Variants in NSD1 observed in about 807,000 individuals in gnomAD.
NSD1 encodes histone-lysine N-methyltransferase, H3 lysine-36 specific.
Under a neutral mutation model 242.7 loss-of-function variants are expected in NSD1, and 26 were observed. The ratio of observed to expected loss-of-function variants is 0.11; its 90% CI spans 0.08 to 0.15. NSD1 has a LOEUF of 0.15. Ranked by LOEUF, NSD1 falls within the 10% of genes least tolerant of loss-of-function variation. NSD1 has a pLI of 1.00. For synonymous variants in NSD1, 1,106 were observed against 1,178.1 expected (o/e 0.94, Z 1.25); for missense variants, 2,495 against 3,272.8 (o/e 0.76, Z 5.80).
Position 177,297,436 on chromosome 5 carries a change from G to A in NSD1, c.*1977G>A. The stretch of plus-strand genomic sequence containing the variant: ...TCATTATATTAAGTATTTATCATGT[G>A]TGAGAATAATAAATATATAACTGCA... On this transcript the variant is annotated 3_prime_UTR_variant, in exon 23 of 23. Transcript: ENST00000439151. The A allele has an allele frequency of 4.3e-6, 1 of 230,020 alleles. No individual in the cohort carries two copies. Among genetic ancestry groups the A allele is most frequent in the Non-Finnish European group, 8.6e-6 (1 of 116,202 alleles). The allele number at this position is 230,020 out of a possible 1,614,324, so 14.2% of individuals were successfully genotyped here. A position where few individuals can be genotyped will look rare whatever the true frequency, so the allele number is the denominator to read the frequency against.
intron 4 of NSD1, among the ~76,000 whole-genome samples, chr5:177,207,180 C>A (rs1460546075): frequency 6.6e-6 from 1 of 152,068 alleles, no homozygotes; most frequent in Non-Finnish European, 1.5e-5. Context: ...AAGGTGACCC[C>A]CCGCCATCCC....
In NSD1 at chr5:177,292,385, T is replaced by TAA. The variant is rs1301983919; in HGVS notation, c.6463+228_6463+229insAA. The stretch of plus-strand genomic sequence containing the variant: ...CTTGCTGTGTTTCAGGTCCTTTACT[T>TAA]ACAGTCATGTTTATTTCATTCCCCC... On this transcript the variant is annotated intron_variant, in intron 22 of 22. Transcript: ENST00000439151. Among the ~76,000 whole-genome samples the TAA allele has an allele frequency of 5.9e-5, 9 of 152,342 alleles. No individual in the cohort carries two copies. In the East Asian group the frequency reaches 1.2e-3, roughly 20 times the overall value.
chr5:177,190,735 TCTCGG>T (rs774990371), intron 2 of NSD1, among the ~76,000 whole-genome samples: 212 of 151,582 alleles, frequency 1.4e-3, no homozygotes, highest in Non-Finnish European at 2.7e-3. Flanking sequence ...AGTGGCGCCA[TCTCGG>T]CTCACTGCAA....
At chr5:177,197,732 C>T (rs1292759223) in intron 3 of NSD1, among the ~76,000 whole-genome samples, 2 of 152,204 alleles carry the variant, frequency 1.3e-5, no homozygotes, top group Non-Finnish European at 2.9e-5. Context: ...CTGAAACCAT[C>T]GAAAGTGAAG....
intron 3 of NSD1, 145 bp downstream of exon 3, chr5:177,192,164 A>G (rs1761741116): frequency 1.3e-6 from 1 of 746,884 alleles, no homozygotes; most frequent in Non-Finnish European, 2.1e-6. Context: ...GGGGCTTTTA[A>G]AAGTTCGTTT....
At chr5:177,236,425 G>A (rs984454911) in intron 6 of NSD1, among the ~76,000 whole-genome samples, 1 of 152,110 alleles carries the variant, frequency 6.6e-6, no homozygotes, top group Non-Finnish European at 1.5e-5. Context: ...TATAAGATCT[G>A]TTTATCTGAC....
At chr5:177,230,852 A>C (rs937517890) in intron 5 of NSD1, among the ~76,000 whole-genome samples, 2 of 151,778 alleles carry the variant, frequency 1.3e-5, no homozygotes, top group Admixed American at 6.6e-5. Context: ...GAAATGCAAC[A>C]AGACTTAGCC....
chr5:177,289,956 T>TA (rs1195845985), intron 21 of NSD1, among the ~76,000 whole-genome samples: 4 of 151,260 alleles, frequency 2.6e-5, no homozygotes, highest in Non-Finnish European at 5.9e-5. Context: ...GCCTCCTGAG[T>TA]AGCTGGAACT....
chr5:177,143,788 T>C (rs1364684215), intron 2 of NSD1, among the ~76,000 whole-genome samples: 1 of 149,308 alleles, frequency 6.7e-6, no homozygotes, highest in African/African-American at 2.5e-5. Context: ...GATAACTTTT[T>C]TTTTTTTTTT....
chr5:177,164,302 G>A (rs981602531), intron 2 of NSD1, among the ~76,000 whole-genome samples: 8 of 151,740 alleles, frequency 5.3e-5, no homozygotes, highest in African/African-American at 1.9e-4. Flanking sequence ...GATTACAGGC[G>A]CCTGCCACCA....
chr5:177,154,512 A>G (rs1481731027), intron 2 of NSD1, among the ~76,000 whole-genome samples: 1 of 152,182 alleles, frequency 6.6e-6, no homozygotes, highest in Non-Finnish European at 1.5e-5. Flanking sequence ...TGAAAAGTTA[A>G]CCAGTGAAGT....
chr5:177,169,978 A>C (rs1334262103), intron 2 of NSD1, among the ~76,000 whole-genome samples: 1 of 152,024 alleles, frequency 6.6e-6, no homozygotes, highest in Non-Finnish European at 1.5e-5. Flanking sequence ...TGTGGTGTAT[A>C]ATTTTTTTTG....
chr5:177,258,683 A>G (rs187466445), intron 13 of NSD1, among the ~76,000 whole-genome samples: 179 of 151,940 alleles, frequency 1.2e-3, no homozygotes, highest in African/African-American at 4.2e-3. Flanking sequence ...TTACAGGCAC[A>G]TGCCACCATG....
intron 2 of NSD1, among the ~76,000 whole-genome samples, chr5:177,186,876 C>T (rs13157667): frequency 0.14 from 20,551 of 151,812 alleles, 1,915 homozygotes; most frequent in East Asian, 0.51. Context: ...CTGAAATCAA[C>T]GCGCCACTGC....
At position 177,159,659 on chromosome 5, in the gene NSD1, G is replaced by A. The variant is rs138760656; in HGVS notation, c.927+23629G>A. Among the ~76,000 whole-genome samples the A allele has an allele frequency of 8.4e-3, 1,257 of 149,644 alleles. 18 individuals carry two copies. Among genetic ancestry groups the A allele is most frequent in the African/African-American group, 0.03 (1,197 of 40,570 alleles). ...TGCCCAGGCTGGAGTGCAATGGTGCGATCTTGGCTAACCGCAACCTCCGCC... is the reference window on the plus strand; with the variant it reads ...TGCCCAGGCTGGAGTGCAATGGTGCAATCTTGGCTAACCGCAACCTCCGCC... On this transcript the variant is annotated intron_variant, in intron 2 of 22. Coordinates refer to ENST00000439151, the MANE Select transcript of NSD1 (RefSeq NM_022455.5).
chr5:177,201,801 C>T (rs1762526599), intron 3 of NSD1, among the ~76,000 whole-genome samples: 2 of 151,424 alleles, frequency 1.3e-5, no homozygotes, highest in South Asian at 2.1e-4. Flanking sequence ...TCAGGTGATC[C>T]GCCTGCCTCA....
chr5:177,136,738 T>G lies in NSD1; in HGVS notation c.927+708T>G. ...CCTCCCGAGTAGCTGGGATTACTGG[T>G]ACCCATCACCACGCCCGGCTAATTT... On this transcript the variant is annotated intron_variant, in intron 2 of 22. Transcript: ENST00000439151. 17 of 524,954 alleles carry G rather than the reference T, an allele frequency of 3.2e-5. No homozygotes were observed. The South Asian group carries it at 4.5e-4, about 14-fold the overall frequency. The allele number at this position is 524,954 out of a possible 1,614,324, so 32.5% of individuals were successfully genotyped here.
chr5:177,245,159 G>A (rs1230160126), intron 9 of NSD1, among the ~76,000 whole-genome samples: 1 of 152,162 alleles, frequency 6.6e-6, no homozygotes, highest in African/African-American at 2.4e-5. Flanking sequence ...CCTTGAACCC[G>A]AGAGGTTGAG....
chr5:177,209,402 G>A (rs1763151644), intron 4 of NSD1, among the ~76,000 whole-genome samples: 1 of 151,492 alleles, frequency 6.6e-6, no homozygotes, highest in Non-Finnish European at 1.5e-5. Context: ...GGTGGCGGGT[G>A]CCTGTAATCC....
Sources: gnomAD v4.1 joint callset for allele counts (sites outside exome capture counted in the v4.1 genomes callset) on GRCh38, gnomAD v4.1.1 for gene constraint, MANE v1.5 for transcripts, NCBI Gene and HGNC (gene_info 2026-07-23, HGNC 2026-07-21) for gene names.